Variants in TBC1D4 observed in about 807,000 individuals in gnomAD.
The protein encoded by TBC1D4 is TBC1 domain family member 4, also known as TBC (Tre-2, BUB2, CDC16) domain-containing protein.
TBC1D4 carries 121 observed loss-of-function variants against 142.5 expected under a neutral mutation model. That is an observed-to-expected ratio of 0.85 (90% CI 0.73 to 0.99). The LOEUF is 0.99. Among genes scored for constraint, TBC1D4 ranks in the 50% least tolerant of loss-of-function variants. TBC1D4 has a pLI of 0.00. For synonymous variants in TBC1D4, 630 were observed against 628.2 expected, an observed-to-expected ratio of 1.00 and a Z score of -0.04; for missense variants, 1,475 against 1,606.6, an observed-to-expected ratio of 0.92 and a Z score of 1.40.
chr13:75,392,457 A>G (rs771081480), intron 1 of TBC1D4, among the ~76,000 whole-genome samples: 18 of 152,172 alleles, frequency 1.2e-4, no homozygotes, highest in Non-Finnish European at 2.2e-4. Context: ...CACTTGCAAG[A>G]CAACCTCACA....
chr13:75,317,264 G>A (rs1208201908), intron 12 of TBC1D4, among the ~76,000 whole-genome samples: 1 of 152,152 alleles, frequency 6.6e-6, no homozygotes, highest in Non-Finnish European at 1.5e-5. Flanking sequence ...GGACCCCCAG[G>A]ATCCTCTGCA....
intron 1 of TBC1D4, among the ~76,000 whole-genome samples, chr13:75,421,528 A>C (rs1886168979): frequency 6.6e-6 from 1 of 152,174 alleles, no homozygotes; most frequent in Non-Finnish European, 1.5e-5. Flanking sequence ...CCTGTTACAA[A>C]ATGTTCTGTA....
chr13:75,367,686 G>C (rs1373428830), intron 1 of TBC1D4, among the ~76,000 whole-genome samples: 1 of 152,186 alleles, frequency 6.6e-6, no homozygotes, highest in African/African-American at 2.4e-5. Context: ...GGGAAGGGTA[G>C]ATTTCCTTTA....
At chr13:75,344,730 G>A (rs1351728524) in intron 5 of TBC1D4, among the ~76,000 whole-genome samples, 2 of 151,970 alleles carry the variant, frequency 1.3e-5, no homozygotes, top group Non-Finnish European at 2.9e-5. Flanking sequence ...AAGGACAGAC[G>A]ATGAAGGCTC....
rs1191075433 is a variant in TBC1D4 at position 75,481,689 on chromosome 13, C to T, written c.79G>A (p.Gly27Ser). 3 of 1,599,460 alleles carry T rather than the reference C, an allele frequency of 1.9e-6. No individual in the cohort carries two copies. The highest frequency in any genetic ancestry group is 1.4e-5 in the African/African-American group (1 of 73,850). ...EPEPGVSAQP[G>S]PGKPSDKRFR... Reference sequence around the variant, plus strand: ...CGCTTATCGCTTGGCTTCCCGGGGCCGGGCTGAGCTGAGACGCCCGGCTCG... The same window carrying T: ...CGCTTATCGCTTGGCTTCCCGGGGCTGGGCTGAGCTGAGACGCCCGGCTCG... Residue 27 changes from glycine to serine, a missense_variant, in exon 1 of 21, where the codon GGC becomes AGC. Physicochemically the swap from Gly to Ser is moderately conservative, Grantham distance 56. Around this residue, in one of 2 missense-constraint regions of TBC1D4, gnomAD observed 1,227 missense variants for 1,267.7 expected, o/e 0.97. Coordinates refer to ENST00000377636, the MANE Select transcript of TBC1D4 (RefSeq NM_014832.5).
At position 75,481,408 on chromosome 13, in the gene TBC1D4, C is replaced by T. The variant is rs761326964; in HGVS notation, c.360G>A (p.Glu120=). ...TQPNPAVFIF[E]HKAQHISRFI... ...AGCGCGAGATATGCTGCGCCTTGTG[C>T]TCGAAGATGAATACCGCCGGGTTGG... Residue 120 remains glutamate (E), a synonymous_variant, in exon 1 of 21, where the codon GAG becomes GAA. Transcript: ENST00000377636. 1 of 1,613,882 alleles carries T rather than the reference C, an allele frequency of 6.2e-7. No homozygotes were observed. The highest frequency in any genetic ancestry group is 2.2e-5 in the East Asian group (1 of 44,832).
intron 1 of TBC1D4, among the ~76,000 whole-genome samples, chr13:75,383,737 T>C (rs910072356): frequency 1.3e-5 from 2 of 152,200 alleles, no homozygotes; most frequent in African/African-American, 4.8e-5. Context: ...AAATAGGGTT[T>C]GGTACCATTC....
At chr13:75,381,467 C>T (rs979155880) in intron 1 of TBC1D4, among the ~76,000 whole-genome samples, 1 of 152,184 alleles carries the variant, frequency 6.6e-6, no homozygotes, top group African/African-American at 2.4e-5. Flanking sequence ...ATTTAAATTT[C>T]TTGTGTATGC....
intron 1 of TBC1D4, among the ~76,000 whole-genome samples, chr13:75,416,026 G>C (rs1174338672): frequency 6.6e-6 from 1 of 152,188 alleles, no homozygotes; most frequent in African/African-American, 2.4e-5. Flanking sequence ...CTGAAATTAG[G>C]AAGCACATTA....
At chr13:75,413,263 G>A (rs1347751271) in intron 1 of TBC1D4, among the ~76,000 whole-genome samples, 3 of 152,036 alleles carry the variant, frequency 2.0e-5, no homozygotes, top group Non-Finnish European at 4.4e-5. Context: ...CCGGGTTCAA[G>A]CAATTCTCTT....
At chr13:75,426,168 G>T (rs1039656659) in intron 1 of TBC1D4, among the ~76,000 whole-genome samples, 7 of 151,990 alleles carry the variant, frequency 4.6e-5, no homozygotes, top group African/African-American at 1.7e-4. Flanking sequence ...AAAAATGGCC[G>T]ACAGGGATAT....
At chr13:75,317,247 G>T (rs919690533) in intron 12 of TBC1D4, among the ~76,000 whole-genome samples, 1 of 152,166 alleles carries the variant, frequency 6.6e-6, no homozygotes, top group African/African-American at 2.4e-5. Flanking sequence ...CAAAAACAAA[G>T]CTGTTGGGAC....
intron 1 of TBC1D4, among the ~76,000 whole-genome samples, chr13:75,410,532 C>G (rs1885595387): frequency 6.6e-6 from 1 of 152,172 alleles, no homozygotes; most frequent in African/African-American, 2.4e-5. Flanking sequence ...TCAGGGCACA[C>G]CACACTACAT....
At chr13:75,311,275 G>C (rs542012884) in intron 13 of TBC1D4, among the ~76,000 whole-genome samples, 1 of 152,214 alleles carries the variant, frequency 6.6e-6, no homozygotes, top group Non-Finnish European at 1.5e-5. Flanking sequence ...AATGACTCCA[G>C]AGCTTCGTCA....
intron 12 of TBC1D4, among the ~76,000 whole-genome samples, chr13:75,319,704 C>A (rs1407856673): frequency 6.6e-6 from 1 of 152,160 alleles, no homozygotes; most frequent in Non-Finnish European, 1.5e-5. Context: ...CCCTAACTAG[C>A]AAATCCACTT....
At chr13:75,342,322 C>A (rs966024925) in intron 5 of TBC1D4, among the ~76,000 whole-genome samples, 2 of 152,140 alleles carry the variant, frequency 1.3e-5, no homozygotes, top group Admixed American at 1.3e-4. Flanking sequence ...TAACCTAAGA[C>A]CTCACATGGA....
At chr13:75,358,980 T>C (rs918121759) in intron 3 of TBC1D4, among the ~76,000 whole-genome samples, 2 of 152,176 alleles carry the variant, frequency 1.3e-5, no homozygotes, top group Non-Finnish European at 2.9e-5. Flanking sequence ...TTTAAAAAGA[T>C]AGTAACTAAA....
At chr13:75,410,935 CAAAAAAAAA>C (rs60172018) in intron 1 of TBC1D4, among the ~76,000 whole-genome samples, 15 of 63,234 alleles carry the variant, frequency 2.4e-4, no homozygotes, top group East Asian at 1.0e-3. Context: ...GACTCCGTCT[CAAAAAAAAA>C]AAAAAAAAAA....
At chr13:75,471,878 G>A (rs1285168664) in intron 1 of TBC1D4, among the ~76,000 whole-genome samples, 2 of 152,052 alleles carry the variant, frequency 1.3e-5, no homozygotes, top group Admixed American at 6.6e-5. Flanking sequence ...AGGCCGAGGC[G>A]GGCGGATCAC....
Sources: allele counts gnomAD v4.1 joint callset (sites outside exome capture counted in the v4.1 genomes callset), GRCh38; gene constraint gnomAD v4.1.1; regional missense constraint gnomAD v4.1.1; transcripts MANE v1.5; gene names NCBI Gene and HGNC (gene_info 2026-07-23, HGNC 2026-07-21).